Variants in SLC24A2 observed in about 807,000 individuals in gnomAD.
SLC24A2 encodes the protein sodium/potassium/calcium exchanger 2.
SLC24A2 carries 36 observed loss-of-function variants against 62.0 expected under a neutral mutation model. That is an observed-to-expected ratio of 0.58 (90% confidence interval 0.44 to 0.77). The LOEUF (loss-of-function observed/expected upper bound fraction) is 0.77, where lower values mean the gene tolerates loss of function less well. Among genes scored for constraint, SLC24A2 ranks in the 30% least tolerant of loss-of-function variants. The probability of loss-of-function intolerance (pLI) is 0.00; values close to 1 mark genes in which losing one functional copy is unlikely to be tolerated. For synonymous variants in SLC24A2, 358 were observed against 294.0 expected, an observed-to-expected ratio of 1.22 and a Z score of -2.23; for missense variants, 846 against 817.9, an observed-to-expected ratio of 1.03 and a Z score of -0.42.
At chr9:20,257,224 T>C in the SLC24A2 span, among the ~76,000 whole-genome samples, 549 of 152,276 alleles carry the variant, frequency 3.6e-3, 2 homozygotes, top group African/African-American at 0.011. Flanking sequence ...TTGATCCCAA[T>C]TGCAATTAGT....
At chr9:20,141,739 T>A in the SLC24A2 span, among the ~76,000 whole-genome samples, 1 of 152,014 alleles carries the variant, frequency 6.6e-6, no homozygotes, top group South Asian at 2.1e-4. Flanking sequence ...AGCCCTTCCA[T>A]CACCCCAACC....
At chr9:19,902,474 G>A in the SLC24A2 span, among the ~76,000 whole-genome samples, 1 of 152,028 alleles carries the variant, frequency 6.6e-6, no homozygotes, top group East Asian at 1.9e-4. Context: ...TTTTTAATGG[G>A]TAAAGCTTTT....
At chr9:19,892,287 C>T in the SLC24A2 span, among the ~76,000 whole-genome samples, 1 of 152,204 alleles carries the variant, frequency 6.6e-6, no homozygotes, top group Non-Finnish European at 1.5e-5. Context: ...GCTCTCATCC[C>T]AAGGCAGTTC....
chr9:20,144,447 T>C, the SLC24A2 span, among the ~76,000 whole-genome samples: 1 of 152,302 alleles, frequency 6.6e-6, no homozygotes. Flanking sequence ...CCTGAAACCT[T>C]AGCCTGCCAC....
intron 2 of SLC24A2, among the ~76,000 whole-genome samples, chr9:19,698,825 A>G (rs1169682277): frequency 2.0e-5 from 3 of 152,184 alleles, no homozygotes; most frequent in Admixed American, 6.5e-5. Context: ...GACCTTTTGT[A>G]TGGGAATTGT....
the SLC24A2 span, among the ~76,000 whole-genome samples, chr9:20,274,595 C>G: frequency 6.6e-6 from 1 of 152,028 alleles, no homozygotes; most frequent in African/African-American, 2.4e-5. Context: ...TAAAGGGAAC[C>G]CTGGAAAGGC....
At chr9:19,611,192 G>A (rs1837151125) in intron 4 of SLC24A2, among the ~76,000 whole-genome samples, 1 of 152,144 alleles carries the variant, frequency 6.6e-6, no homozygotes, top group South Asian at 2.1e-4. Flanking sequence ...ACATGTGTAA[G>A]GGCCCTGAGG....
At chr9:19,608,237 C>T (rs1313305266) in intron 4 of SLC24A2, among the ~76,000 whole-genome samples, 1 of 151,996 alleles carries the variant, frequency 6.6e-6, no homozygotes, top group Non-Finnish European at 1.5e-5. Flanking sequence ...GAGACACCTT[C>T]TCCACTTTTT....
the SLC24A2 span, among the ~76,000 whole-genome samples, chr9:20,168,507 A>C: frequency 1.3e-5 from 2 of 152,024 alleles, no homozygotes; most frequent in East Asian, 3.9e-4. Context: ...TCAACTCAAC[A>C]AAAAAGGAAG....
rs556952334 is a variant in SLC24A2 at position 19,781,257 on chromosome 9, T to A, written c.930+4680A>T. 1.8e-3 allele frequency among the ~76,000 whole-genome samples: 269 copies of A among 152,186 alleles called. 4 individuals are homozygous for A. The highest frequency in any genetic ancestry group is 6.2e-3 in the African/African-American group (258 of 41,498). On this transcript the variant is annotated intron_variant, in intron 2 of 10. Coordinates refer to ENST00000341998, the MANE Select transcript of SLC24A2 (RefSeq NM_020344.4). ...AGCAAGAGAATAGCTTAACACACGA[T>A]CCCATTCTTTGCTAAAGTTAAGATA...
Position 19,528,026 on chromosome 9 carries a change from G to T in SLC24A2, c.1569+23C>A, listed in dbSNP as rs767098425. On this transcript the variant is annotated intron_variant, in intron 9 of 10. Transcript: ENST00000341998. ...AGGACTGGAGAAAAACAAGGCAGAG[G>T]CATGTCACTATCAAAATCTTACCTG... 9.3e-6 allele frequency: 13 copies of T among 1,399,790 alleles called. No individual in the cohort carries two copies. The Admixed American group carries it at 1.5e-4, about 16-fold the overall frequency. 86.7% of individuals were successfully genotyped at this position (1,399,790 alleles called of 1,614,324 possible). A position where few individuals can be genotyped will look rare whatever the true frequency, so the allele number is the denominator to read the frequency against.
chr9:19,896,713 T>C, the SLC24A2 span, among the ~76,000 whole-genome samples: 4 of 152,188 alleles, frequency 2.6e-5, no homozygotes, highest in African/African-American at 9.7e-5. Context: ...CTTCACAGCA[T>C]TATGGTGAAG....
chr9:20,288,397 A>G, the SLC24A2 span, among the ~76,000 whole-genome samples: 2 of 151,338 alleles, frequency 1.3e-5, no homozygotes, highest in African/African-American at 4.9e-5. Flanking sequence ...TTGCATCTAG[A>G]GGATGAGTGC....
At chr9:19,543,285 C>G (rs993428713) in intron 8 of SLC24A2, among the ~76,000 whole-genome samples, 2 of 152,056 alleles carry the variant, frequency 1.3e-5, no homozygotes, top group Non-Finnish European at 2.9e-5. Context: ...TCCCCTTTAT[C>G]ATTTTTTATT....
At chr9:19,736,329 T>C (rs1271386272) in intron 2 of SLC24A2, among the ~76,000 whole-genome samples, 8 of 152,016 alleles carry the variant, frequency 5.3e-5, no homozygotes, top group African/African-American at 1.7e-4. Context: ...CAAAATTACA[T>C]CAAATGCAAA....
chr9:19,729,497 G>A (rs1821271907), intron 2 of SLC24A2, among the ~76,000 whole-genome samples: 1 of 152,158 alleles, frequency 6.6e-6, no homozygotes, highest in Admixed American at 6.6e-5. Flanking sequence ...AATGGATAAA[G>A]AAAATGTGTT....
At chr9:19,863,148 G>A in the SLC24A2 span, among the ~76,000 whole-genome samples, 1 of 151,982 alleles carries the variant, frequency 6.6e-6, no homozygotes, top group African/African-American at 2.4e-5. Flanking sequence ...GAGAGACAAG[G>A]TCGCTATAGA....
At chr9:20,051,673 T>TC in the SLC24A2 span, among the ~76,000 whole-genome samples, 1 of 143,354 alleles carries the variant, frequency 7.0e-6, no homozygotes, top group Non-Finnish European at 1.5e-5. Flanking sequence ...TTTTTTTTTT[T>TC]TTTTTTGGTG....
the SLC24A2 span, among the ~76,000 whole-genome samples, chr9:19,849,478 A>C: frequency 5.9e-5 from 9 of 152,214 alleles, no homozygotes; most frequent in African/African-American, 1.4e-4. Context: ...TGTTTTAACA[A>C]TATTGGCTAA....
Sources: allele counts gnomAD v4.1 joint callset (sites outside exome capture counted in the v4.1 genomes callset), GRCh38; gene constraint gnomAD v4.1.1; transcripts MANE v1.5; gene names NCBI Gene and HGNC (gene_info 2026-07-23, HGNC 2026-07-21).